Variants in IFRD1 observed in about 807,000 individuals in gnomAD.
IFRD1 encodes interferon-related developmental regulator 1.
In IFRD1, 35 loss-of-function variants were observed where a neutral mutation model predicts 52.9. The observed-to-expected ratio is 0.66, with a 90% CI of 0.51 to 0.88. The LOEUF (loss-of-function observed/expected upper bound fraction) is 0.88. Ranked by LOEUF, IFRD1 falls within the 40% of genes least tolerant of loss-of-function variation. The probability of loss-of-function intolerance (pLI) is 0.00; values close to 1 mark genes in which losing one functional copy is unlikely to be tolerated. For missense variants in IFRD1, 517 were observed against 550.8 expected, an observed-to-expected ratio of 0.94 and a Z score of 0.61; for synonymous variants, 184 against 188.4, an observed-to-expected ratio of 0.98 and a Z score of 0.19.
At chr7:112,439,431 T>C (rs1456713737) in intron 1 of IFRD1, among the ~76,000 whole-genome samples, 2 of 152,238 alleles carry the variant, frequency 1.3e-5, no homozygotes, top group African/African-American at 4.8e-5. Flanking sequence ...TCAGTTGAGA[T>C]GCTTTCAGCC....
upstream of IFRD1, among the ~76,000 whole-genome samples, chr7:112,446,635 G>A (rs999669565): frequency 1.3e-5 from 2 of 152,156 alleles, no homozygotes; most frequent in Non-Finnish European, 2.9e-5. Context: ...GAGTAGGAAG[G>A]CCTCTTCAGG....
intron 9 of IFRD1, among the ~76,000 whole-genome samples, chr7:112,470,885 C>T (rs2117332600): frequency 6.6e-6 from 1 of 152,172 alleles, no homozygotes; most frequent in South Asian, 2.1e-4. Context: ...CAATTTTTTT[C>T]TGAATATTTT....
intron 1 of IFRD1, among the ~76,000 whole-genome samples, chr7:112,431,110 C>T (rs1032955981): frequency 1.3e-5 from 2 of 152,070 alleles, no homozygotes; most frequent in South Asian, 4.1e-4. Context: ...CCTGTGTATC[C>T]TGTTGTGGCC....
Position 112,472,804 on chromosome 7 carries a change from C to A in IFRD1, c.1209C>A (p.Pro403=), listed in dbSNP as rs746139493. The A allele has an allele frequency of 1.7e-5, 28 of 1,613,298 alleles. No individual in the cohort carries two copies. The highest frequency in any genetic ancestry group is 5.0e-5 in the Admixed American group (3 of 59,990). The part of the protein sequence containing the change: ...EFLRNVFELG[P]PVMLDAATLK... ...TTCGAAATGTATTTGAACTTGGACCCCCAGTGATGCTTGATGCTGCAACGC... is the reference window on the plus strand; with the variant it reads ...TTCGAAATGTATTTGAACTTGGACCACCAGTGATGCTTGATGCTGCAACGC... The change falls in exon 11 of 12, where the codon CCC becomes CCA. Residue 403 remains proline (P), a synonymous_variant. Coordinates refer to ENST00000403825, the MANE Select transcript of IFRD1 (RefSeq NM_001550.4).
intron 1 of IFRD1, among the ~76,000 whole-genome samples, chr7:112,444,801 C>T (rs149775975): frequency 0.013 from 2,016 of 152,096 alleles, 21 homozygotes; most frequent in Non-Finnish European, 0.018. Context: ...CTACTAGAGG[C>T]GGGAGGGATG....
At position 112,439,700 on chromosome 7, in the gene IFRD1, A is replaced by T. The variant is rs529412629; in HGVS notation, c.-181-10808A>T. Among the ~76,000 whole-genome samples the T allele has an allele frequency of 1.8e-4, 28 of 152,292 alleles. No individual in the cohort carries two copies. The South Asian group carries it at 5.8e-3, about 32-fold the overall frequency. The stretch of plus-strand genomic sequence containing the variant: ...CATTTGTATTTCTCTTGGGAAGGAG[A>T]AATCTTTCCCTCAAGCCCTCAACTC... On this transcript the variant is annotated intron_variant, in intron 1 of 12. Transcript: ENST00000005558.
At chr7:112,424,602 T>A (rs368567740) in intron 1 of IFRD1, among the ~76,000 whole-genome samples, 1 of 151,676 alleles carries the variant, frequency 6.6e-6, no homozygotes, top group Non-Finnish European at 1.5e-5. Flanking sequence ...TTAGTAGAGG[T>A]GGGGGTTTCA....
chr7:112,424,604 G>T (rs1488254152), intron 1 of IFRD1, among the ~76,000 whole-genome samples: 1 of 151,748 alleles, frequency 6.6e-6, no homozygotes, highest in African/African-American at 2.4e-5. Flanking sequence ...AGTAGAGGTG[G>T]GGGTTTCACC....
intron 1 of IFRD1, among the ~76,000 whole-genome samples, chr7:112,438,881 A>G (rs560405623): frequency 1.4e-4 from 21 of 152,356 alleles, no homozygotes; most frequent in African/African-American, 5.0e-4. Context: ...TGACCTGAGC[A>G]TAATGAAAGT....
intron 1 of IFRD1, among the ~76,000 whole-genome samples, chr7:112,441,342 G>T (rs992850634): frequency 7.9e-5 from 12 of 151,964 alleles, no homozygotes; most frequent in Non-Finnish European, 1.2e-4. Context: ...TGTAGTCCCA[G>T]CGGCTTTGGA....
Position 112,455,998 on chromosome 7 carries a change from T to C in IFRD1, c.200-4T>C. 2 of 1,582,444 alleles carry C rather than the reference T, an allele frequency of 1.3e-6. No homozygotes were observed. Among genetic ancestry groups the C allele is most frequent in the Non-Finnish European group, 1.7e-6 (2 of 1,151,248 alleles). Reference sequence around the variant, plus strand: ...TACGATGGCTGTTTTATATTATTTCTTAGGACCAGAAGTCCTTGATGAGGA... The same window carrying C: ...TACGATGGCTGTTTTATATTATTTCCTAGGACCAGAAGTCCTTGATGAGGA... On this transcript the variant is annotated splice_region_variant and splice_polypyrimidine_tract_variant and intron_variant, in intron 2 of 11. Coordinates refer to ENST00000403825, the MANE Select transcript of IFRD1 (RefSeq NM_001550.4).
In IFRD1 at chr7:112,462,245, A is replaced by T. The variant is rs112936429; in HGVS notation, c.798-25A>T. 15 of 1,609,646 alleles carry T rather than the reference A, an allele frequency of 9.3e-6. No homozygotes were observed. The South Asian group carries it at 1.6e-4, about 18-fold the overall frequency. On this transcript the variant is annotated intron_variant, in intron 7 of 11. Transcript: ENST00000403825. ...AGTGGACATAATTGGTTGTATTCAC[A>T]TAGTAATGACTAACTATTTTTTAGG...
intron 2 of IFRD1, 38 bp from the exon 3 acceptor site, chr7:112,455,964 C>G: frequency 1.3e-6 from 2 of 1,491,236 alleles, no homozygotes; most frequent in Non-Finnish European, 1.9e-6. Context: ...TGTTTTTTTT[C>G]TTTTAAATTA....
chr7:112,462,201 T>G, intron 7 of IFRD1, 22 bp downstream of exon 7: 1 of 1,612,700 alleles, frequency 6.2e-7, no homozygotes, highest in Non-Finnish European at 8.5e-7. Flanking sequence ...TAGTTTCATA[T>G]TTTATAAAAG....
chr7:112,445,273 AG>A (rs1197446871), intron 1 of IFRD1, among the ~76,000 whole-genome samples: 1 of 151,880 alleles, frequency 6.6e-6, no homozygotes, highest in Non-Finnish European at 1.5e-5. Flanking sequence ...TCACCGTGTT[AG>A]CCAGGATGGT....
intron 1 of IFRD1, among the ~76,000 whole-genome samples, chr7:112,433,775 A>G (rs557637953): frequency 1.6e-4 from 24 of 152,318 alleles, no homozygotes; most frequent in African/African-American, 5.5e-4. Flanking sequence ...TTTCACTGTC[A>G]TAATTTTCTC....
intron 1 of IFRD1, among the ~76,000 whole-genome samples, chr7:112,443,713 C>T (rs1205049272): frequency 6.6e-6 from 1 of 151,820 alleles, no homozygotes; most frequent in Admixed American, 6.6e-5. Flanking sequence ...ACTAAAAATA[C>T]ATAAATTAGC....
At chr7:112,431,097 T>C (rs148006508) in intron 1 of IFRD1, among the ~76,000 whole-genome samples, 23 of 152,314 alleles carry the variant, frequency 1.5e-4, no homozygotes, top group African/African-American at 5.5e-4. Context: ...TTACTACCAG[T>C]ATCCTGTGTA....
In IFRD1 at chr7:112,459,029, G is replaced by T; in HGVS notation, c.567+11G>T. 1 of 1,602,106 alleles carries T rather than the reference G, an allele frequency of 6.2e-7. No individual in the cohort carries two copies. The highest frequency in any genetic ancestry group is 8.5e-7 in the Non-Finnish European group (1 of 1,169,706). On this transcript the variant is annotated intron_variant, in intron 5 of 11. Coordinates refer to ENST00000403825, the MANE Select transcript of IFRD1 (RefSeq NM_001550.4). ...CAGGCTAGGCAAACTGTAAGTATAA[G>T]ATATTTACATTTATAGATCTGTCTA...
Sources: gnomAD v4.1 joint callset for allele counts (sites outside exome capture counted in the v4.1 genomes callset) on GRCh38, gnomAD v4.1.1 for gene constraint, MANE v1.5 for transcripts, NCBI Gene and HGNC (gene_info 2026-07-23, HGNC 2026-07-21) for gene names.